C1orf21: variants seen among roughly 807,000 people sequenced by gnomAD.
C1orf21 encodes the protein uncharacterized protein C1orf21.
In C1orf21, 3 loss-of-function variants were observed where a neutral mutation model predicts 18.7. That is an observed-to-expected ratio of 0.16 (90% CI 0.07 to 0.42). The LOEUF (loss-of-function observed/expected upper bound fraction) is 0.42. Ranked by LOEUF, C1orf21 falls within the 10% of genes least tolerant of loss-of-function variation. The pLI is 0.99. For missense variants in C1orf21, 104 were observed against 143.6 expected (o/e 0.72, Z 1.41); for synonymous variants, 41 against 46.4 (o/e 0.88, Z 0.47).
chr1:184,529,386 T>A (rs1658425203), intron 3 of C1orf21, among the ~76,000 whole-genome samples: 1 of 152,198 alleles, frequency 6.6e-6, no homozygotes, highest in South Asian at 2.1e-4. Context: ...ATAAGGACTT[T>A]GATAGGTGTC....
At chr1:184,559,758 C>T (rs1341836699) in intron 3 of C1orf21, among the ~76,000 whole-genome samples, 1 of 152,056 alleles carries the variant, frequency 6.6e-6, no homozygotes, top group Non-Finnish European at 1.5e-5. Context: ...GCTGGGACTA[C>T]AGGTGCATGC....
At chr1:184,476,348 T>C (rs1400741802) in intron 1 of C1orf21, among the ~76,000 whole-genome samples, 1 of 152,116 alleles carries the variant, frequency 6.6e-6, no homozygotes, top group Non-Finnish European at 1.5e-5. Context: ...CTGCCAGGAC[T>C]CTGAGGAGGT....
At chr1:184,597,292 C>T (rs147765301) in intron 4 of C1orf21, among the ~76,000 whole-genome samples, 4 of 152,188 alleles carry the variant, frequency 2.6e-5, no homozygotes, top group South Asian at 2.1e-4. Context: ...CTTTGATAAC[C>T]GAGTTAATGT....
chr1:184,503,928 G>GAA (rs902387279), intron 2 of C1orf21, among the ~76,000 whole-genome samples: 3 of 152,252 alleles, frequency 2.0e-5, no homozygotes, highest in Admixed American at 1.3e-4. Context: ...GGAGAAGCAG[G>GAA]AAAAACGGCA....
At chr1:184,402,490 G>A (rs1438041504) in intron 1 of C1orf21, among the ~76,000 whole-genome samples, 2 of 151,952 alleles carry the variant, frequency 1.3e-5, no homozygotes, top group African/African-American at 2.4e-5. Flanking sequence ...TGGGCATAGT[G>A]TTGCATGCCT....
chr1:184,520,231 G>A (rs1397426718), intron 3 of C1orf21, among the ~76,000 whole-genome samples: 1 of 152,176 alleles, frequency 6.6e-6, no homozygotes, highest in East Asian at 1.9e-4. Context: ...CTGTTCGAGT[G>A]TAATGGTACA....
chr1:184,553,578 G>A (rs142425089), intron 3 of C1orf21, among the ~76,000 whole-genome samples: 2 of 152,290 alleles, frequency 1.3e-5, no homozygotes, highest in Non-Finnish European at 2.9e-5. Flanking sequence ...TTGGAGTTCA[G>A]GTTTTCAGGC....
chr1:184,418,414 A>G (rs561969265), intron 1 of C1orf21, among the ~76,000 whole-genome samples: 2 of 152,214 alleles, frequency 1.3e-5, no homozygotes, highest in African/African-American at 4.8e-5. Context: ...GGGTTTCACC[A>G]TGTTGCCCAG....
chr1:184,503,794 G>T (rs1658012253), intron 2 of C1orf21, among the ~76,000 whole-genome samples: 1 of 152,082 alleles, frequency 6.6e-6, no homozygotes, highest in South Asian at 2.1e-4. Context: ...CTGCCACGAG[G>T]TTACCTTTGT....
intron 3 of C1orf21, among the ~76,000 whole-genome samples, chr1:184,514,130 C>G (rs933181946): frequency 5.9e-5 from 9 of 152,124 alleles, no homozygotes; most frequent in African/African-American, 2.2e-4. Flanking sequence ...GACTCTGTCT[C>G]TACAAAAATA....
At chr1:184,457,212 G>T (rs1431519750) in intron 1 of C1orf21, among the ~76,000 whole-genome samples, 2 of 152,206 alleles carry the variant, frequency 1.3e-5, no homozygotes, top group Admixed American at 1.3e-4. Context: ...GGACATAGAA[G>T]TGACTAGAAT....
At chr1:184,516,306 A>G (rs990354249) in intron 3 of C1orf21, among the ~76,000 whole-genome samples, 3 of 140,690 alleles carry the variant, frequency 2.1e-5, no homozygotes, top group African/African-American at 2.7e-5. Context: ...TAAAACAAAC[A>G]AAACAGGGTG....
intron 3 of C1orf21, among the ~76,000 whole-genome samples, chr1:184,543,644 T>G (rs1658689954): frequency 6.6e-6 from 1 of 152,224 alleles, no homozygotes. Context: ...ATGTTATCAC[T>G]TCTGGCAGTA....
intron 5 of C1orf21, among the ~76,000 whole-genome samples, chr1:184,615,777 C>T (rs1659811529): frequency 6.6e-6 from 1 of 152,072 alleles, no homozygotes; most frequent in Admixed American, 6.6e-5. Context: ...TCTCAAATCC[C>T]CTTTATTTTT....
At chr1:184,403,370 A>G (rs1656195372) in intron 1 of C1orf21, among the ~76,000 whole-genome samples, 1 of 152,248 alleles carries the variant, frequency 6.6e-6, no homozygotes, top group Non-Finnish European at 1.5e-5. Context: ...TGTAAAGTTC[A>G]AAAACGGCTA....
chr1:184,615,887 CAGGGTACTTAGTATATGTATCATACCCA>C (rs1659815320), intron 5 of C1orf21, among the ~76,000 whole-genome samples: 1 of 152,148 alleles, frequency 6.6e-6, no homozygotes, highest in Non-Finnish European at 1.5e-5. Flanking sequence ...ATGGTCAAAT[CAGGGTACTTAGTATATGTATCATACCCA>C]AGAGTTATCA....
intron 3 of C1orf21, among the ~76,000 whole-genome samples, chr1:184,519,247 T>C (rs75984214): frequency 0.019 from 2,918 of 152,312 alleles, 37 homozygotes; most frequent in African/African-American, 0.035. Flanking sequence ...TAAAAGTGGT[T>C]GAACAGATTT....
chr1:184,458,747 T>C (rs1657258032), intron 1 of C1orf21, among the ~76,000 whole-genome samples: 1 of 152,184 alleles, frequency 6.6e-6, no homozygotes, highest in Non-Finnish European at 1.5e-5. Context: ...TAAAAAATCT[T>C]TAAAAAAGCA....
rs150730873 is a variant in C1orf21 at position 184,542,324 on chromosome 1, G to A, written c.189+34642G>A. Among the ~76,000 whole-genome samples the A allele has an allele frequency of 7.5e-3, 1,149 of 152,258 alleles. 6 individuals are homozygous for A. Among genetic ancestry groups the A allele is most frequent in the Middle Eastern group, 0.02 (6 of 294 alleles). On this transcript the variant is annotated intron_variant, in intron 3 of 5. Transcript: ENST00000235307. Reference sequence around the variant, plus strand: ...AAAGGTTTTTCGTATCCTTATTTTAGAGATGAGGAAAACTTAAACACTTAG... The same window carrying A: ...AAAGGTTTTTCGTATCCTTATTTTAAAGATGAGGAAAACTTAAACACTTAG...
Sources: allele counts gnomAD v4.1 joint callset (sites outside exome capture counted in the v4.1 genomes callset), GRCh38; gene constraint gnomAD v4.1.1; transcripts MANE v1.5; gene names NCBI Gene and HGNC (gene_info 2026-07-23, HGNC 2026-07-21).